The following KANSL1 variants were observed in gnomAD, a reference collection of about 807,000 sequenced individuals.
KANSL1 encodes the protein MLL1/MLL complex subunit KANSL1.
KANSL1 carries 22 observed loss-of-function variants against 103.6 expected under a neutral mutation model. The ratio of observed to expected loss-of-function variants is 0.21; its 90% CI spans 0.15 to 0.30. KANSL1 has a LOEUF of 0.30. KANSL1 is among the 10% of genes least tolerant of loss of function. The pLI is 1.00. For missense variants in KANSL1, 1,337 were observed against 1,399.8 expected, an observed-to-expected ratio of 0.96 and a Z score of 0.72; for synonymous variants, 600 against 527.6, an observed-to-expected ratio of 1.14 and a Z score of -1.88.
At chr17:46,095,266 T>C (rs1383775815) in intron 2 of KANSL1, among the ~76,000 whole-genome samples, 1 of 152,214 alleles carries the variant, frequency 6.6e-6, no homozygotes, top group African/African-American at 2.4e-5. Context: ...CATGAACATC[T>C]ATAAATTCAA....
intron 2 of KANSL1, among the ~76,000 whole-genome samples, chr17:46,107,990 GT>G (rs1479145638): frequency 3.9e-5 from 6 of 152,082 alleles, no homozygotes; most frequent in African/African-American, 1.4e-4. Flanking sequence ...TAGTACTTTG[GT>G]TGAATCTTTC....
intron 6 of KANSL1, among the ~76,000 whole-genome samples, chr17:46,056,578 T>C (rs2077938671): frequency 6.6e-6 from 1 of 152,294 alleles, no homozygotes; most frequent in Admixed American, 6.5e-5. Flanking sequence ...ACCGTAAGTA[T>C]AGCTACTGAT....
chr17:46,111,964 G>C (rs2042828458), intron 2 of KANSL1, among the ~76,000 whole-genome samples: 1 of 152,188 alleles, frequency 6.6e-6, no homozygotes, highest in African/African-American at 2.4e-5. Flanking sequence ...AGAAACGAGA[G>C]CACCAATACA....
chr17:46,207,285 G>C (rs1455425658), intron 1 of KANSL1, among the ~76,000 whole-genome samples: 5 of 152,164 alleles, frequency 3.3e-5, no homozygotes, highest in Non-Finnish European at 7.3e-5. Context: ...TCCAAGGCGG[G>C]TGGATCATGA....
chr17:46,130,904 A>G (rs564596899), intron 2 of KANSL1, among the ~76,000 whole-genome samples: 7 of 152,358 alleles, frequency 4.6e-5, no homozygotes, highest in Admixed American at 2.6e-4. Flanking sequence ...CCTCACTGTA[A>G]AATAAACACA....
intron 6 of KANSL1, among the ~76,000 whole-genome samples, chr17:46,062,102 A>C (rs532916635): frequency 0.05 from 3,328 of 66,432 alleles, 185 homozygotes; most frequent in African/African-American, 0.15. Context: ...AAAAAAAAAA[A>C]AAAAAAACAA....
At chr17:46,067,943 T>C (rs1281062595) in intron 4 of KANSL1, among the ~76,000 whole-genome samples, 1 of 151,974 alleles carries the variant, frequency 6.6e-6, no homozygotes, top group East Asian at 1.9e-4. Flanking sequence ...AGACCTCATC[T>C]CTAATTAAAA....
Position 46,191,654 on chromosome 17 carries a change from G to A in KANSL1, c.-90+1169C>T, listed in dbSNP as rs8067352. 9.7e-3 allele frequency among the ~76,000 whole-genome samples: 1,473 copies of A among 152,294 alleles called. 23 individuals carry two copies. Among genetic ancestry groups the A allele is most frequent in the African/African-American group, 0.034 (1,398 of 41,544 alleles). On this transcript the variant is annotated intron_variant, in intron 1 of 14. Transcript: ENST00000432791. ...TATCGTTTATTTTAAAATGTTCTCC[G>A]ACTCTAAAACTAAAACAAGTAAAAC...
intron 4 of KANSL1, among the ~76,000 whole-genome samples, chr17:46,074,656 A>T (rs1598550810): frequency 6.6e-6 from 1 of 152,012 alleles, no homozygotes; most frequent in Non-Finnish European, 1.5e-5. Context: ...GATCCCAGCT[A>T]CTTGGGAGGC....
chr17:46,143,631 T>C (rs568159327), intron 2 of KANSL1, among the ~76,000 whole-genome samples: 2 of 151,976 alleles, frequency 1.3e-5, no homozygotes, highest in South Asian at 2.1e-4. Flanking sequence ...GGTGAAACCC[T>C]GTCTCTAGTA....
chr17:46,115,470 C>T (rs780019466), intron 2 of KANSL1, among the ~76,000 whole-genome samples: 2 of 152,044 alleles, frequency 1.3e-5, no homozygotes, highest in Non-Finnish European at 2.9e-5. Flanking sequence ...CTATATTACC[C>T]CCGTCCCCAC....
At chr17:46,161,294 G>A (rs992285082) in intron 2 of KANSL1, among the ~76,000 whole-genome samples, 50 of 151,714 alleles carry the variant, frequency 3.3e-4, no homozygotes, top group African/African-American at 1.2e-3. Context: ...AAATTAGCCG[G>A]GTGTGGTGGC....
chr17:46,155,359 T>C (rs963791084), intron 2 of KANSL1, among the ~76,000 whole-genome samples: 4 of 152,108 alleles, frequency 2.6e-5, no homozygotes, highest in Non-Finnish European at 4.4e-5. Flanking sequence ...GATTTCGCCA[T>C]GTTGGCCAGG....
intron 1 of KANSL1, among the ~76,000 whole-genome samples, chr17:46,173,918 C>A (rs1199339177): frequency 6.6e-6 from 1 of 152,230 alleles, no homozygotes; most frequent in East Asian, 1.9e-4. Flanking sequence ...CACAGTACAA[C>A]TGAGTTGCAA....
intron 2 of KANSL1, among the ~76,000 whole-genome samples, chr17:46,127,454 C>G (rs547252326): frequency 1.3e-5 from 2 of 152,188 alleles, no homozygotes; most frequent in African/African-American, 4.8e-5. Context: ...GATCCCGCTC[C>G]GGCAACAACA....
chr17:46,208,527 T>G (rs149574651), intron 1 of KANSL1, among the ~76,000 whole-genome samples: 5 of 150,972 alleles, frequency 3.3e-5, no homozygotes, highest in African/African-American at 1.2e-4. Flanking sequence ...ATGGGAGGAT[T>G]GCTTGAGCCT....
intron 2 of KANSL1, among the ~76,000 whole-genome samples, chr17:46,161,303 G>A (rs369986312): frequency 1.2e-4 from 18 of 151,322 alleles, no homozygotes; most frequent in African/African-American, 3.9e-4. Context: ...GGGTGTGGTG[G>A]CAGACGCCTG....
At chr17:46,042,270 A>C (rs10514898) in intron 7 of KANSL1, 21,802 of 152,236 alleles carry the variant, frequency 0.14, 2,133 homozygotes, top group Non-Finnish European at 0.22. Context: ...GATATGCTCA[A>C]TCTGAACTGA....
chr17:46,164,803 G>A (rs750478119), intron 2 of KANSL1, among the ~76,000 whole-genome samples: 13 of 152,238 alleles, frequency 8.5e-5, no homozygotes, highest in Non-Finnish European at 1.5e-4. Context: ...TAAAGGTCAC[G>A]TAGGGTCAGC....
Sources: gnomAD v4.1 joint callset for allele counts (sites outside exome capture counted in the v4.1 genomes callset) on GRCh38, gnomAD v4.1.1 for gene constraint, MANE v1.5 for transcripts, NCBI Gene and HGNC (gene_info 2026-07-23, HGNC 2026-07-21) for gene names.